The following MBNL2 variants were observed in gnomAD, a reference collection of about 807,000 sequenced individuals.
MBNL2 encodes muscleblind like splicing regulator 2, also known as muscleblind-like protein 2.
A neutral mutation model predicts 41.9 loss-of-function variants in MBNL2; 17 were observed. The ratio of observed to expected loss-of-function variants is 0.41; its 90% CI spans 0.28 to 0.61. The LOEUF (loss-of-function observed/expected upper bound fraction) is 0.61, where lower values mean the gene tolerates loss of function less well. Ranked by LOEUF, MBNL2 falls within the 20% of genes least tolerant of loss-of-function variation. MBNL2 has a pLI of 0.35. For missense variants in MBNL2, 336 were observed against 505.6 expected (o/e 0.66, Z 3.22); for synonymous variants, 195 against 182.9 (o/e 1.07, Z -0.53).
At position 97,222,550 on chromosome 13, in the gene MBNL2, T is replaced by G; in HGVS notation, c.-605+19T>G. On this transcript the variant is annotated intron_variant, in intron 1 of 8. Transcript: ENST00000679496. ...AAACAAGGTAGGAGAATCGCCCCCC[T>G]TTTTTGAATGTTTAAAGAGTTTGCT... 2.5e-6 allele frequency: 1 copy of G among 397,640 alleles called. No individual in the cohort carries two copies. 24.6% of individuals were successfully genotyped at this position (397,640 alleles called of 1,614,324 possible).
intron 1 of MBNL2, among the ~76,000 whole-genome samples, chr13:97,263,594 C>G (rs1241017603): frequency 6.6e-6 from 1 of 152,120 alleles, no homozygotes; most frequent in Non-Finnish European, 1.5e-5. Context: ...ACGTGACTCC[C>G]TTGGAGCGAG....
At chr13:97,387,014 A>G (rs564262536) in intron 8 of MBNL2, among the ~76,000 whole-genome samples, 1 of 151,726 alleles carries the variant, frequency 6.6e-6, no homozygotes. Flanking sequence ...AGCTATTCCT[A>G]TTTTTGTCTG....
chr13:97,387,843 A>ATATC (rs1195155361), intron 8 of MBNL2, among the ~76,000 whole-genome samples: 2 of 152,186 alleles, frequency 1.3e-5, no homozygotes, highest in Non-Finnish European at 2.9e-5. Context: ...TCAAGGGGAT[A>ATATC]TATCTTAAAA....
At chr13:97,151,367 C>T in the MBNL2 span, among the ~76,000 whole-genome samples, 1 of 152,068 alleles carries the variant, frequency 6.6e-6, no homozygotes, top group Non-Finnish European at 1.5e-5. Context: ...CCAACCCTGG[C>T]AGATGATGAC....
At chr13:97,239,974 GAGA>G (rs58066358) in intron 1 of MBNL2, among the ~76,000 whole-genome samples, 1,633 of 152,260 alleles carry the variant, frequency 0.011, 41 homozygotes, top group African/African-American at 0.035. Flanking sequence ...CCAACCCCAG[GAGA>G]AGAAGTTGTA....
chr13:97,340,481 A>G (rs907923186), intron 3 of MBNL2, among the ~76,000 whole-genome samples: 1 of 152,222 alleles, frequency 6.6e-6, no homozygotes, highest in African/African-American at 2.4e-5. Flanking sequence ...TGAGGCCAAA[A>G]AAACCTTGAT....
intron 2 of MBNL2, among the ~76,000 whole-genome samples, chr13:97,320,521 G>A (rs1197657185): frequency 2.0e-5 from 3 of 151,832 alleles, no homozygotes; most frequent in Admixed American, 1.3e-4. Context: ...CTCCCAAAGT[G>A]CTGGAATTAC....
the MBNL2 span, among the ~76,000 whole-genome samples, chr13:97,148,938 C>T: frequency 6.6e-6 from 1 of 152,216 alleles, no homozygotes; most frequent in African/African-American, 2.4e-5. Context: ...CACACAAGAA[C>T]ATTTCCATTT....
the MBNL2 span, among the ~76,000 whole-genome samples, chr13:97,159,164 C>G: frequency 9.2e-3 from 1,399 of 152,086 alleles, 20 homozygotes; most frequent in African/African-American, 0.032. Context: ...CCTTCTTTGT[C>G]TCTTTTGATC....
intron 1 of MBNL2, among the ~76,000 whole-genome samples, chr13:97,254,203 A>G (rs2047107968): frequency 6.6e-6 from 1 of 152,222 alleles, no homozygotes; most frequent in Non-Finnish European, 1.5e-5. Flanking sequence ...AAATTTTTAA[A>G]ATATGTAAAA....
chr13:97,180,454 C>G, the MBNL2 span, among the ~76,000 whole-genome samples: 1 of 151,882 alleles, frequency 6.6e-6, no homozygotes, highest in Non-Finnish European at 1.5e-5. Flanking sequence ...ATGGTGTGAT[C>G]GGCCAGGCAT....
intron 7 of MBNL2, among the ~76,000 whole-genome samples, chr13:97,363,467 C>CAAAAATCT (rs1555320038): frequency 9.0e-6 from 1 of 111,498 alleles, no homozygotes. Flanking sequence ...TGTGTGTGAT[C>CAAAAATCT]AAAAATCTAA....
chr13:97,278,083 A>C (rs959273830), intron 2 of MBNL2, among the ~76,000 whole-genome samples: 1 of 151,742 alleles, frequency 6.6e-6, no homozygotes, highest in Non-Finnish European at 1.5e-5. Flanking sequence ...GTGAAACCCT[A>C]TCTCTATTAA....
the MBNL2 span, among the ~76,000 whole-genome samples, chr13:97,148,700 T>C: frequency 6.6e-6 from 1 of 152,180 alleles, no homozygotes; most frequent in Non-Finnish European, 1.5e-5. Context: ...CAAATCACCA[T>C]TATTGTCTTC....
intron 2 of MBNL2, among the ~76,000 whole-genome samples, chr13:97,291,918 G>A (rs12864517): frequency 0.66 from 59,841 of 90,816 alleles, 18,040 homozygotes; most frequent in East Asian, 0.73. Context: ...AAAAAAAAAA[G>A]TGGGCTGGGT....
chr13:97,185,796 C>T, the MBNL2 span, among the ~76,000 whole-genome samples: 1 of 152,204 alleles, frequency 6.6e-6, no homozygotes, highest in African/African-American at 2.4e-5. Context: ...AGCCACTAGG[C>T]TTGTGTTAAT....
At chr13:97,166,837 T>TAGATAGATAGAAAGAAAGAAAGAA in the MBNL2 span, among the ~76,000 whole-genome samples, 744 of 143,414 alleles carry the variant, frequency 5.2e-3, 8 homozygotes, top group Middle Eastern at 0.011. Flanking sequence ...GATAGATAGA[T>TAGATAGATAGAAAGAAAGAAAGAA]AGAAAGATAG....
the MBNL2 span, among the ~76,000 whole-genome samples, chr13:97,153,433 G>C: frequency 1.3e-5 from 2 of 151,878 alleles, no homozygotes; most frequent in African/African-American, 4.8e-5. Flanking sequence ...AAATTATTTA[G>C]GTACATGTAG....
chr13:97,254,331 C>A (rs1270966290), intron 1 of MBNL2, among the ~76,000 whole-genome samples: 1 of 152,086 alleles, frequency 6.6e-6, no homozygotes, highest in Non-Finnish European at 1.5e-5. Context: ...GAAAAATAAA[C>A]TATAACTTAC....
Sources: gnomAD v4.1 joint callset for allele counts (sites outside exome capture counted in the v4.1 genomes callset) on GRCh38, gnomAD v4.1.1 for gene constraint, MANE v1.5 for transcripts, NCBI Gene and HGNC (gene_info 2026-07-23, HGNC 2026-07-21) for gene names.